Variants in ANKHD1 observed in about 807,000 individuals in gnomAD.
ANKHD1 encodes ankyrin repeat and KH domain-containing protein 1.
ANKHD1 carries 31 observed loss-of-function variants against 230.5 expected under a neutral mutation model. That is an observed-to-expected ratio of 0.13 (90% confidence interval 0.10 to 0.18). The LOEUF (loss-of-function observed/expected upper bound fraction) is 0.18, where lower values mean the gene tolerates loss of function less well. Ranked by LOEUF, ANKHD1 falls within the 10% of genes least tolerant of loss-of-function variation. ANKHD1 has a pLI of 1.00. For synonymous variants in ANKHD1, 1,074 were observed against 1,117.6 expected (o/e 0.96, Z 0.78); for missense variants, 2,256 against 3,071.3 (o/e 0.73, Z 6.27).
At position 140,529,381 on chromosome 5, in the gene ANKHD1, C is replaced by T; in HGVS notation, c.6435C>T (p.Ser2145=). 6.2e-7 allele frequency: 1 copy of T among 1,614,178 alleles called. No individual in the cohort carries two copies. ...HRMQPRGSFY[S]MVPNATIHQD... is the part of the protein sequence containing the mutation. ...TGCAGCCCAGAGGTTCTTTTTACTCCATGGTACCAAATGCAACTATTCACC... is the reference window on the plus strand; with the variant it reads ...TGCAGCCCAGAGGTTCTTTTTACTCTATGGTACCAAATGCAACTATTCACC... The change falls in exon 29 of 34, where the codon TCC becomes TCT. Residue 2145 remains serine (S), a synonymous_variant. Transcript: ENST00000360839.
At chr5:140,415,082 A>G (rs1266285257) in intron 1 of ANKHD1, among the ~76,000 whole-genome samples, 1 of 151,896 alleles carries the variant, frequency 6.6e-6, no homozygotes, top group African/African-American at 2.4e-5. Context: ...AATTATTGCC[A>G]TCTCCAGTGT....
chr5:140,503,080 A>G (rs1752373980), intron 15 of ANKHD1, among the ~76,000 whole-genome samples: 1 of 152,176 alleles, frequency 6.6e-6, no homozygotes, highest in South Asian at 2.1e-4. Context: ...TACGAATAGT[A>G]TCTTTGAATG....
At chr5:140,404,834 A>G (rs1303650948) in intron 1 of ANKHD1, among the ~76,000 whole-genome samples, 2 of 151,684 alleles carry the variant, frequency 1.3e-5, no homozygotes, top group African/African-American at 4.8e-5. Flanking sequence ...AGCTGGGACT[A>G]TAGGCACACG....
At chr5:140,435,206 G>A (rs1193320385) in intron 1 of ANKHD1, among the ~76,000 whole-genome samples, 2 of 152,024 alleles carry the variant, frequency 1.3e-5, no homozygotes, top group African/African-American at 4.8e-5. Flanking sequence ...CCTCATTTCA[G>A]AGTCAGAATT....
intron 7 of ANKHD1, among the ~76,000 whole-genome samples, chr5:140,454,363 G>A (rs534634698): frequency 2.6e-5 from 4 of 152,040 alleles, no homozygotes; most frequent in Admixed American, 1.3e-4. Context: ...CAAGCAGACC[G>A]AATAGGCATC....
At chr5:140,429,012 C>G (rs1292305317) in intron 1 of ANKHD1, among the ~76,000 whole-genome samples, 2 of 151,616 alleles carry the variant, frequency 1.3e-5, no homozygotes, top group Admixed American at 6.6e-5. Flanking sequence ...TCTCGAACTC[C>G]TGACCTCAGG....
intron 13 of ANKHD1, chr5:140,486,133 C>T: frequency 5.2e-6 from 1 of 193,406 alleles, no homozygotes; most frequent in Non-Finnish European, 1.0e-5. Context: ...GGCACAATCT[C>T]AGCTCACCGC....
rs1561799599 is a variant in ANKHD1, at chr5:140,496,999, G to A, written c.2725G>A (p.Val909Ile). The A allele has an allele frequency of 6.2e-7, 1 of 1,614,020 alleles. No individual in the cohort carries two copies. Among genetic ancestry groups the A allele is most frequent in the African/African-American group, 1.3e-5 (1 of 74,910 alleles). Residue 909 changes from valine (V) to isoleucine (I), a missense_variant, in exon 15 of 34, where the codon GTT (valine) becomes ATT (isoleucine). Transcript: ENST00000360839. ...VDTILFKDND[V>I]DDEQQSPPSA... is the part of the protein sequence containing the mutation. ...CACAATCTTATTTAAAGATAATGAT[G>A]TTGATGATGAGCAACAGTCTCCACC...
At chr5:140,407,322 A>G (rs1256140938) in intron 1 of ANKHD1, among the ~76,000 whole-genome samples, 1 of 151,800 alleles carries the variant, frequency 6.6e-6, no homozygotes, top group Admixed American at 6.6e-5. Context: ...CCACTTTAAA[A>G]AATGGTTTTT....
At position 140,527,156 on chromosome 5, in the gene ANKHD1, A is replaced by T. The variant is rs1405495172; in HGVS notation, c.5087+82A>T. ...AGATGGCTACCTAGTTAATTAATGA[A>T]TAATTTGAATGTGGTTATTATTTTA... On this transcript the variant is annotated intron_variant, in intron 27 of 33. Coordinates refer to ENST00000360839, the MANE Select transcript of ANKHD1 (RefSeq NM_017747.3). The surrounding 1 kb of genome is among the most constrained non-coding windows in gnomAD (Gnocchi z 4.5). The T allele has an allele frequency of 8.3e-6, 12 of 1,445,928 alleles. No homozygotes were observed. The highest frequency in any genetic ancestry group is 1.1e-5 in the Non-Finnish European group (12 of 1,094,238). 89.6% of individuals were successfully genotyped at this position (1,445,928 alleles called of 1,614,324 possible).
At chr5:140,405,430 G>A (rs1770358153) in intron 1 of ANKHD1, among the ~76,000 whole-genome samples, 1 of 152,044 alleles carries the variant, frequency 6.6e-6, no homozygotes, top group African/African-American at 2.4e-5. Context: ...GTGCCTTTGT[G>A]AATAAAATGA....
At chr5:140,469,470 G>A (rs1365744514) in intron 10 of ANKHD1, among the ~76,000 whole-genome samples, 1 of 151,998 alleles carries the variant, frequency 6.6e-6, no homozygotes, top group Non-Finnish European at 1.5e-5. Flanking sequence ...TTGCATCACT[G>A]CACTCCAGCC....
At chr5:140,454,915 A>T (rs572549685) in intron 7 of ANKHD1, among the ~76,000 whole-genome samples, 15 of 152,322 alleles carry the variant, frequency 9.8e-5, no homozygotes, top group African/African-American at 3.4e-4. Context: ...AAAAAAATCA[A>T]TGAATCCAGG....
chr5:140,464,098 T>C (rs1775916132), intron 9 of ANKHD1, among the ~76,000 whole-genome samples: 1 of 152,054 alleles, frequency 6.6e-6, no homozygotes, highest in Non-Finnish European at 1.5e-5. Flanking sequence ...TAGCCAAGCG[T>C]GGTGGCATGT....
intron 6 of ANKHD1, among the ~76,000 whole-genome samples, chr5:140,448,557 T>G (rs1254237181): frequency 6.6e-6 from 1 of 152,226 alleles, no homozygotes; most frequent in African/African-American, 2.4e-5. Flanking sequence ...TACTGGGTTT[T>G]ATCATTCTTT....
chr5:140,495,707 T>G (rs531535839), intron 14 of ANKHD1, among the ~76,000 whole-genome samples: 1 of 152,354 alleles, frequency 6.6e-6, no homozygotes, highest in South Asian at 2.1e-4. Context: ...TAAGTGTAAT[T>G]TAAAACCTTA....
At chr5:140,514,221 G>A (rs1012421573) in intron 24 of ANKHD1, among the ~76,000 whole-genome samples, 1 of 148,616 alleles carries the variant, frequency 6.7e-6, no homozygotes, top group Non-Finnish European at 1.5e-5. Context: ...ATTGACAGAT[G>A]TCATGGCTCA....
chr5:140,417,632 G>A (rs928120110), intron 1 of ANKHD1, among the ~76,000 whole-genome samples: 10 of 151,580 alleles, frequency 6.6e-5, no homozygotes, highest in Non-Finnish European at 7.4e-5. Context: ...TGTATTTTTT[G>A]TAGAGATGGG....
intron 1 of ANKHD1, among the ~76,000 whole-genome samples, chr5:140,429,992 T>G (rs1016099077): frequency 6.6e-6 from 1 of 152,206 alleles, no homozygotes; most frequent in Admixed American, 6.5e-5. Context: ...TTGCATCCAG[T>G]GGTTCATTTC....
Sources: gnomAD v4.1 joint callset for allele counts (sites outside exome capture counted in the v4.1 genomes callset) on GRCh38, gnomAD v4.1.1 for gene constraint, Gnocchi (gnomAD v3.1) non-coding constraint, MANE v1.5 for transcripts, NCBI Gene and HGNC (gene_info 2026-07-23, HGNC 2026-07-21) for gene names.